Variants in NBEA observed in about 807,000 individuals in gnomAD.
NBEA encodes lysosomal-trafficking regulator 2.
A neutral mutation model predicts 343.4 loss-of-function variants in NBEA; 44 were observed. The ratio of observed to expected loss-of-function variants is 0.13; its 90% CI spans 0.10 to 0.16. The LOEUF is 0.16. Ranked by LOEUF, NBEA falls within the 10% of genes least tolerant of loss-of-function variation. NBEA has a pLI of 1.00. For missense variants in NBEA, 2,555 were observed against 3,631.3 expected (o/e 0.70, Z 7.62); for synonymous variants, 1,175 against 1,238.7 (o/e 0.95, Z 1.08).
intron 1 of NBEA, among the ~76,000 whole-genome samples, chr13:35,018,735 A>G (rs557452827): frequency 2.8e-4 from 43 of 152,052 alleles, no homozygotes; most frequent in African/African-American, 9.9e-4. Context: ...TAATTTATTC[A>G]TTTTTCTTCC....
Position 35,154,937 on chromosome 13 carries a change from G to A in NBEA, c.2446-837G>A, listed in dbSNP as rs143013941. ...GCCCAGGAGTTCAAGATGAGCCTGGGCGATAAAGTGGACCCCATCTTTACC... is the reference window on the plus strand; with the variant it reads ...GCCCAGGAGTTCAAGATGAGCCTGGACGATAAAGTGGACCCCATCTTTACC... On this transcript the variant is annotated intron_variant, in intron 18 of 58. Coordinates refer to ENST00000379939, the MANE Select transcript of NBEA (RefSeq NM_001385012.1). Among the ~76,000 whole-genome samples, 13 of 148,264 alleles carry A rather than the reference G, an allele frequency of 8.8e-5. No homozygotes were observed. In the East Asian group the frequency reaches 1.9e-3, roughly 22 times the overall value.
At chr13:35,404,251 G>A (rs1822994040) in intron 38 of NBEA, among the ~76,000 whole-genome samples, 1 of 151,930 alleles carries the variant, frequency 6.6e-6, no homozygotes, top group South Asian at 2.1e-4. Context: ...TCCCATTACT[G>A]GGTATATACC....
chr13:35,155,890 A>G, intron 19 of NBEA, 35 bp downstream of exon 19: 2 of 1,568,270 alleles, frequency 1.3e-6, no homozygotes, highest in African/African-American at 1.4e-5. Context: ...GTATTGTGGT[A>G]GGCGCATGGC....
chr13:35,002,963 A>G (rs1593427980), intron 1 of NBEA, among the ~76,000 whole-genome samples: 1 of 152,174 alleles, frequency 6.6e-6, no homozygotes, highest in Non-Finnish European at 1.5e-5. Flanking sequence ...TGCAAGGTAC[A>G]TACCGTAAGC....
At chr13:34,982,475 A>G (rs2060390075) in intron 1 of NBEA, among the ~76,000 whole-genome samples, 1 of 151,814 alleles carries the variant, frequency 6.6e-6, no homozygotes, top group Non-Finnish European at 1.5e-5. Flanking sequence ...AATTTTTTAT[A>G]TTTTTAGTAA....
At chr13:35,293,731 G>A (rs1446925855) in intron 35 of NBEA, among the ~76,000 whole-genome samples, 14 of 151,694 alleles carry the variant, frequency 9.2e-5, no homozygotes, top group Non-Finnish European at 2.1e-4. Context: ...ACTTCTTTAG[G>A]TGCTATAATA....
intron 41 of NBEA, among the ~76,000 whole-genome samples, chr13:35,524,139 G>A (rs958299910): frequency 2.6e-5 from 4 of 152,170 alleles, no homozygotes; most frequent in Admixed American, 6.5e-5. Context: ...GCACTGGAAA[G>A]AGGATAATGT....
chr13:35,542,153 C>A (rs948613019), intron 41 of NBEA, among the ~76,000 whole-genome samples: 3 of 24,368 alleles, frequency 1.2e-4, no homozygotes, highest in African/African-American at 3.5e-4. Flanking sequence ...TGTTTTGACA[C>A]CCCCCCCCCA....
chr13:35,343,864 A>G (rs1421012435), intron 36 of NBEA, among the ~76,000 whole-genome samples: 1 of 152,098 alleles, frequency 6.6e-6, no homozygotes, highest in African/African-American at 2.4e-5. Flanking sequence ...TTGTATAATT[A>G]TTTCATTATA....
At chr13:35,489,146 A>G (rs2076410667) in intron 41 of NBEA, among the ~76,000 whole-genome samples, 1 of 151,754 alleles carries the variant, frequency 6.6e-6, no homozygotes, top group South Asian at 2.1e-4. Flanking sequence ...TCTAGGCAAT[A>G]AAAGACAAAG....
chr13:35,410,605 A>G (rs926292296), intron 38 of NBEA, among the ~76,000 whole-genome samples: 1 of 152,160 alleles, frequency 6.6e-6, no homozygotes, highest in Admixed American at 6.6e-5. Flanking sequence ...CTCAACATAA[A>G]TACCATCAAG....
intron 49 of NBEA, among the ~76,000 whole-genome samples, chr13:35,635,881 A>G (rs2083671826): frequency 6.6e-6 from 1 of 152,260 alleles, no homozygotes; most frequent in Non-Finnish European, 1.5e-5. Context: ...CTAGAAAAGC[A>G]TAAATAATGC....
intron 38 of NBEA, among the ~76,000 whole-genome samples, chr13:35,411,425 C>T (rs577171232): frequency 6.6e-6 from 1 of 151,120 alleles, no homozygotes; most frequent in East Asian, 1.9e-4. Context: ...TTGCCTCTGC[C>T]TCTGCAGGCT....
At chr13:35,314,808 A>T (rs1163982777) in intron 36 of NBEA, among the ~76,000 whole-genome samples, 1 of 152,160 alleles carries the variant, frequency 6.6e-6, no homozygotes, top group Admixed American at 6.5e-5. Flanking sequence ...TACTTTTGTT[A>T]TTACATATAA....
chr13:35,010,402 A>T (rs2061442344), intron 1 of NBEA, among the ~76,000 whole-genome samples: 1 of 151,608 alleles, frequency 6.6e-6, no homozygotes, highest in African/African-American at 2.4e-5. Flanking sequence ...ACATAGTAAG[A>T]CCTCATTTCT....
At chr13:35,237,583 A>G (rs1329907357) in intron 34 of NBEA, among the ~76,000 whole-genome samples, 1 of 152,164 alleles carries the variant, frequency 6.6e-6, no homozygotes, top group Non-Finnish European at 1.5e-5. Context: ...AGCTTTGAAT[A>G]TTTCCATTTA....
At chr13:35,136,174 A>G (rs1423342105) in intron 17 of NBEA, among the ~76,000 whole-genome samples, 1 of 152,192 alleles carries the variant, frequency 6.6e-6, no homozygotes, top group East Asian at 1.9e-4. Flanking sequence ...GAACCCAGAG[A>G]TTCTGGAGTG....
chr13:35,307,595 T>C (rs930970290), intron 35 of NBEA, among the ~76,000 whole-genome samples: 1 of 152,092 alleles, frequency 6.6e-6, no homozygotes, highest in African/African-American at 2.4e-5. Context: ...AAAAATCTTA[T>C]TCATGTTAGA....
chr13:35,033,632 C>A (rs1398038548), intron 1 of NBEA, among the ~76,000 whole-genome samples: 1 of 151,820 alleles, frequency 6.6e-6, no homozygotes, highest in East Asian at 1.9e-4. Flanking sequence ...TCTTTCAATC[C>A]ATGAACATGG....
Sources: allele counts gnomAD v4.1 joint callset (sites outside exome capture counted in the v4.1 genomes callset), GRCh38; gene constraint gnomAD v4.1.1; transcripts MANE v1.5; gene names NCBI Gene and HGNC (gene_info 2026-07-23, HGNC 2026-07-21).